Variants in CCDC171 observed in about 807,000 individuals in gnomAD.
CCDC171 encodes coiled-coil domain containing 171, also known as coiled-coil domain-containing protein 171.
Under a neutral mutation model 168.2 loss-of-function variants are expected in CCDC171, and 177 were observed. The observed-to-expected ratio is 1.05, with a 90% CI of 0.93 to 1.19. The LOEUF (loss-of-function observed/expected upper bound fraction) is 1.19, where lower values mean the gene tolerates loss of function less well. Among genes scored for constraint, CCDC171 ranks in the 50% most tolerant of loss-of-function variants. The probability of loss-of-function intolerance (pLI) is 0.00; values close to 1 mark genes in which losing one functional copy is unlikely to be tolerated. For missense variants in CCDC171, 1,991 were observed against 1,539.0 expected (o/e 1.29, Z -4.91); for synonymous variants, 687 against 540.8 (o/e 1.27, Z -3.75).
intron 21 of CCDC171, among the ~76,000 whole-genome samples, chr9:15,843,397 C>G (rs1279454484): frequency 6.6e-6 from 1 of 152,062 alleles, no homozygotes; most frequent in East Asian, 1.9e-4. Context: ...CCTTAACTTT[C>G]TAACAGCTAA....
chr9:15,555,360 G>A (rs2038702079), intron 1 of CCDC171, among the ~76,000 whole-genome samples: 1 of 152,178 alleles, frequency 6.6e-6, no homozygotes, highest in Non-Finnish European at 1.5e-5. Flanking sequence ...AGGATGGCCT[G>A]GTTTTGGTCC....
At chr9:15,862,369 T>C (rs1252611524) in intron 23 of CCDC171, among the ~76,000 whole-genome samples, 1 of 151,894 alleles carries the variant, frequency 6.6e-6, no homozygotes, top group African/African-American at 2.4e-5. Flanking sequence ...AATTTTTAGT[T>C]GAGTTATTAT....
the CCDC171 span, among the ~76,000 whole-genome samples, chr9:16,081,560 C>T: frequency 6.6e-6 from 1 of 152,166 alleles, no homozygotes; most frequent in African/African-American, 2.4e-5. Flanking sequence ...CAGCCTGGTA[C>T]AACACCAGCA....
At chr9:15,965,786 A>G (rs1830733494) in intron 25 of CCDC171, among the ~76,000 whole-genome samples, 1 of 152,218 alleles carries the variant, frequency 6.6e-6, no homozygotes, top group Admixed American at 6.5e-5. Flanking sequence ...AGATAAGGAT[A>G]AAAGCTCACA....
intron 9 of CCDC171, among the ~76,000 whole-genome samples, chr9:15,675,118 C>T (rs2133332378): frequency 6.6e-6 from 1 of 151,378 alleles, no homozygotes; most frequent in South Asian, 2.1e-4. Flanking sequence ...TATGTAACGG[C>T]CTTCTTTGTC....
chr9:15,784,638 G>T lies in CCDC171; in HGVS notation c.3211G>T (p.Glu1071Ter). The change falls in exon 21 of 26, where the codon GAA becomes TAA. Residue 1071 changes from glutamate to a stop codon, truncating the protein, a stop_gained. Coordinates refer to ENST00000380701, the MANE Select transcript of CCDC171 (RefSeq NM_173550.4). LOFTEE classifies it high-confidence loss of function. ...QQLQELNYKL[E>*]LHSSEEADKN... The stretch of plus-strand genomic sequence containing the variant: ...ACTACAGGAATTGAATTATAAACTT[G>T]AATTGCACTCCAGTGAGGAAGCTGA... The T allele has an allele frequency of 1.2e-6, 2 of 1,613,376 alleles. No homozygotes were observed. Among genetic ancestry groups the T allele is most frequent in the South Asian group, 2.2e-5 (2 of 91,016 alleles).
chr9:15,880,731 C>T (rs903747056), intron 24 of CCDC171, among the ~76,000 whole-genome samples: 3 of 151,846 alleles, frequency 2.0e-5, no homozygotes, highest in South Asian at 2.1e-4. Flanking sequence ...CCGCCTCAGC[C>T]TCCCAAAGTG....
chr9:15,667,510 G>A (rs1211020029), intron 9 of CCDC171, among the ~76,000 whole-genome samples: 1 of 152,102 alleles, frequency 6.6e-6, no homozygotes, highest in Non-Finnish European at 1.5e-5. Flanking sequence ...GCCAGGTGTG[G>A]TGGCGGGCAC....
the CCDC171 span, among the ~76,000 whole-genome samples, chr9:16,106,320 C>T: frequency 6.6e-6 from 1 of 152,172 alleles, no homozygotes; most frequent in Admixed American, 6.5e-5. Context: ...TAGGATTTTT[C>T]CAGCGTTTGC....
Position 15,874,609 on chromosome 9 carries a change from G to A in CCDC171, c.3546G>A (p.Leu1182=). Residue 1182 remains leucine, a synonymous_variant, in exon 24 of 26, where the codon CTG becomes CTA. Coordinates refer to ENST00000380701, the MANE Select transcript of CCDC171 (RefSeq NM_173550.4). ...DFTLQLPKLH[L]ETFAMEGLKG... is the part of the protein sequence containing the mutation. ...CCCTACAGCTACCCAAACTGCACCT[G>A]GAGACCTTTGCAATGGAGGGGCTCA... 6.2e-7 allele frequency: 1 copy of A among 1,606,556 alleles called. No individual in the cohort carries two copies. The highest frequency in any genetic ancestry group is 8.5e-7 in the Non-Finnish European group (1 of 1,176,556).
downstream of CCDC171, among the ~76,000 whole-genome samples, chr9:16,062,793 T>C (rs146974022): frequency 1.6e-3 from 240 of 152,302 alleles, 1 homozygote; most frequent in African/African-American, 5.5e-3. Context: ...TGTATGAGTC[T>C]GGGGGACCCC....
At chr9:15,567,355 G>A (rs1374571495) in intron 2 of CCDC171, among the ~76,000 whole-genome samples, 2 of 152,110 alleles carry the variant, frequency 1.3e-5, no homozygotes, top group South Asian at 4.1e-4. Context: ...TAGCTTTATA[G>A]TAAGTTTTGA....
intron 21 of CCDC171, among the ~76,000 whole-genome samples, chr9:15,804,330 C>A (rs899015767): frequency 2.0e-5 from 3 of 152,040 alleles, no homozygotes; most frequent in African/African-American, 7.2e-5. Context: ...GGGAATGCTT[C>A]CAGCTTTTGC....
intron 3 of CCDC171, among the ~76,000 whole-genome samples, chr9:16,005,556 G>T (rs1832671941): frequency 6.6e-6 from 1 of 152,028 alleles, no homozygotes; most frequent in Admixed American, 6.6e-5. Context: ...TGCAACCATG[G>T]ATCACAGATT....
intron 11 of CCDC171, among the ~76,000 whole-genome samples, chr9:15,707,609 A>G (rs1390097270): frequency 6.6e-6 from 1 of 152,096 alleles, no homozygotes; most frequent in Non-Finnish European, 1.5e-5. Context: ...TTACAGTTAT[A>G]TCTCAACTTC....
intron 16 of CCDC171, among the ~76,000 whole-genome samples, chr9:15,734,705 T>C (rs2054374860): frequency 6.6e-6 from 1 of 152,198 alleles, no homozygotes; most frequent in South Asian, 2.1e-4. Flanking sequence ...CCTGTAAATT[T>C]TATTTTAGGA....
At chr9:15,863,106 C>G (rs376554971) in intron 23 of CCDC171, among the ~76,000 whole-genome samples, 2 of 152,082 alleles carry the variant, frequency 1.3e-5, no homozygotes, top group South Asian at 2.1e-4. Flanking sequence ...TGTCAGTACT[C>G]AAACACAGGT....
At chr9:16,097,855 TAGAG>T in the CCDC171 span, among the ~76,000 whole-genome samples, 4,859 of 152,242 alleles carry the variant, frequency 0.032, 231 homozygotes, top group African/African-American at 0.1. Flanking sequence ...GCTACTGAGT[TAGAG>T]AGAAAAAGAG....
chr9:15,730,449 C>T (rs2054083732), intron 16 of CCDC171, among the ~76,000 whole-genome samples: 1 of 151,746 alleles, frequency 6.6e-6, no homozygotes, highest in African/African-American at 2.4e-5. Flanking sequence ...TCAGGAATAA[C>T]TTGATGATAG....
Sources: gnomAD v4.1 joint callset for allele counts (sites outside exome capture counted in the v4.1 genomes callset) on GRCh38, gnomAD v4.1.1 for gene constraint, MANE v1.5 for transcripts, NCBI Gene and HGNC (gene_info 2026-07-23, HGNC 2026-07-21) for gene names.